The following SLC38A4 variants were observed in gnomAD, a reference collection of about 807,000 sequenced individuals.
SLC38A4 encodes the protein solute carrier family 38 member 4.
SLC38A4 carries 20 observed loss-of-function variants against 63.1 expected under a neutral mutation model. The ratio of observed to expected loss-of-function variants is 0.32; its 90% CI spans 0.22 to 0.46. The LOEUF is 0.46. Ranked by LOEUF, SLC38A4 falls within the 20% of genes least tolerant of loss-of-function variation. The pLI is 1.00. For missense variants in SLC38A4, 526 were observed against 663.6 expected, an observed-to-expected ratio of 0.79 and a Z score of 2.28; for synonymous variants, 230 against 225.5, an observed-to-expected ratio of 1.02 and a Z score of -0.18.
upstream of SLC38A4, among the ~76,000 whole-genome samples, chr12:46,826,945 G>A (rs1194954638): frequency 6.6e-6 from 1 of 152,146 alleles, no homozygotes; most frequent in African/African-American, 2.4e-5. Context: ...AAAGAAACAT[G>A]TTTTCTTTCT....
chr12:46,790,684 C>T (rs1200962105), intron 3 of SLC38A4, among the ~76,000 whole-genome samples: 2 of 151,808 alleles, frequency 1.3e-5, no homozygotes, highest in African/African-American at 4.9e-5. Flanking sequence ...TTCTTTGAGG[C>T]ATTTGCATGT....
intron 3 of SLC38A4, among the ~76,000 whole-genome samples, chr12:46,791,242 A>G (rs1020007279): frequency 1.3e-5 from 2 of 152,180 alleles, no homozygotes; most frequent in Non-Finnish European, 2.9e-5. Context: ...CTGGTCACCC[A>G]TCTCATCCTT....
At chr12:46,799,370 G>C (rs1939083746) in intron 2 of SLC38A4, among the ~76,000 whole-genome samples, 1 of 152,108 alleles carries the variant, frequency 6.6e-6, no homozygotes, top group Non-Finnish European at 1.5e-5. Flanking sequence ...GGGAGGCTGA[G>C]GAGGGTCTAT....
chr12:46,775,401 A>C (rs573501186), intron 13 of SLC38A4, among the ~76,000 whole-genome samples: 1 of 152,144 alleles, frequency 6.6e-6, no homozygotes, highest in Non-Finnish European at 1.5e-5. Context: ...CAAAATAAAG[A>C]GCCTCTCAAG....
At chr12:46,821,993 A>G (rs1229884211) in intron 1 of SLC38A4, among the ~76,000 whole-genome samples, 2 of 152,204 alleles carry the variant, frequency 1.3e-5, no homozygotes, top group Non-Finnish European at 2.9e-5. Context: ...GTCAACATAT[A>G]GAAATCTAAC....
intron 14 of SLC38A4, among the ~76,000 whole-genome samples, chr12:46,771,214 G>A: frequency 6.6e-6 from 1 of 152,088 alleles, no homozygotes; most frequent in Middle Eastern, 3.2e-3. Context: ...TCTGCAATTA[G>A]TGCTTATTCA....
intron 1 of SLC38A4, among the ~76,000 whole-genome samples, chr12:46,805,937 G>A (rs1939222168): frequency 6.6e-6 from 1 of 151,768 alleles, no homozygotes; most frequent in African/African-American, 2.4e-5. Context: ...AGGGAGACTT[G>A]GCTTCCCAGA....
intron 7 of SLC38A4, among the ~76,000 whole-genome samples, chr12:46,780,613 T>C (rs1364387642): frequency 6.6e-6 from 1 of 151,648 alleles, no homozygotes; most frequent in Admixed American, 6.6e-5. Flanking sequence ...GTTTTTTTTT[T>C]TCCCCCCTCT....
At chr12:46,783,556 G>A (rs994273604) in intron 7 of SLC38A4, among the ~76,000 whole-genome samples, 1 of 152,058 alleles carries the variant, frequency 6.6e-6, no homozygotes, top group African/African-American at 2.4e-5. Flanking sequence ...GTGATCATCT[G>A]TGGTCATGAG....
upstream of SLC38A4, among the ~76,000 whole-genome samples, chr12:46,830,870 A>T (rs1176141976): frequency 1.3e-5 from 2 of 152,222 alleles, no homozygotes; most frequent in African/African-American, 4.8e-5. Flanking sequence ...GACAAGCGCC[A>T]ACCTGTCCCG....
chr12:46,788,471 T>G, intron 4 of SLC38A4, 57 bp downstream of exon 4: 1 of 1,361,074 alleles, frequency 7.3e-7, no homozygotes, highest in East Asian at 2.3e-5. Context: ...CACAGAGACC[T>G]AGGTAGATCA....
At position 46,769,269 on chromosome 12, in the gene SLC38A4, C is replaced by T. The variant is rs1317118345; in HGVS notation, c.1444+15G>A. 6 of 1,612,416 alleles carry T rather than the reference C, an allele frequency of 3.7e-6. No homozygotes were observed. Among genetic ancestry groups the T allele is most frequent in the Non-Finnish European group, 5.1e-6 (6 of 1,178,888 alleles). ...GAGTTTGGGTTGACCAAATTGAAGC[C>T]TTTCTGAAACTCACCTATGAATCCG... On this transcript the variant is annotated intron_variant, in intron 15 of 16. Transcript: ENST00000266579.
At chr12:46,771,385 A>G (rs180407) in intron 14 of SLC38A4, among the ~76,000 whole-genome samples, 104,305 of 151,924 alleles carry the variant, frequency 0.69, 37,276 homozygotes, top group Middle Eastern at 0.81. Context: ...TTTTTTAGTC[A>G]CTTGTTAAAA....
chr12:46,768,930 T>G (rs1236871218), intron 15 of SLC38A4, among the ~76,000 whole-genome samples: 1 of 152,136 alleles, frequency 6.6e-6, no homozygotes, highest in Non-Finnish European at 1.5e-5. Flanking sequence ...ATACTCGTAG[T>G]ATCAGAGAGC....
At chr12:46,791,957 A>T (rs1938897838) in intron 3 of SLC38A4, among the ~76,000 whole-genome samples, 1 of 152,154 alleles carries the variant, frequency 6.6e-6, no homozygotes, top group South Asian at 2.1e-4. Flanking sequence ...GGAGAGGGCA[A>T]AAAACAGGAC....
intron 2 of SLC38A4, among the ~76,000 whole-genome samples, chr12:46,795,677 T>A (rs1180369964): frequency 3.3e-5 from 5 of 152,156 alleles, no homozygotes; most frequent in African/African-American, 1.2e-4. Context: ...GTTGGAAAAT[T>A]CTTTATTTTG....
intron 1 of SLC38A4, among the ~76,000 whole-genome samples, chr12:46,821,292 A>T (rs1441738313): frequency 6.6e-6 from 1 of 152,092 alleles, no homozygotes; most frequent in East Asian, 1.9e-4. Context: ...TACAGTTTCA[A>T]GTCTTACATT....
intron 2 of SLC38A4, among the ~76,000 whole-genome samples, chr12:46,801,622 G>A (rs1939133877): frequency 6.6e-6 from 1 of 152,054 alleles, no homozygotes; most frequent in Non-Finnish European, 1.5e-5. Flanking sequence ...GGTTGAGCAA[G>A]GGTCATGCAA....
At chr12:46,781,118 A>AAACCC (rs1400984919) in intron 7 of SLC38A4, among the ~76,000 whole-genome samples, 5 of 152,064 alleles carry the variant, frequency 3.3e-5, no homozygotes, top group Non-Finnish European at 4.4e-5. Flanking sequence ...ATCATCTGAA[A>AAACCC]AACCCTGTGA....
Sources: gnomAD v4.1 joint callset for allele counts (sites outside exome capture counted in the v4.1 genomes callset) on GRCh38, gnomAD v4.1.1 for gene constraint, MANE v1.5 for transcripts, NCBI Gene and HGNC (gene_info 2026-07-23, HGNC 2026-07-21) for gene names.